The following USP5 variants were observed in gnomAD, a reference collection of about 807,000 sequenced individuals.
The protein encoded by USP5 is ubiquitin specific peptidase 5, also known as ubiquitin carboxyl-terminal hydrolase 5.
In USP5, 24 loss-of-function variants were observed where a neutral mutation model predicts 102.5. That is an observed-to-expected ratio of 0.23 (90% CI 0.17 to 0.33). USP5 has a LOEUF of 0.33. USP5 is among the 10% of genes least tolerant of loss of function. USP5 has a pLI of 1.00. For missense variants in USP5, 753 were observed against 1,122.1 expected (o/e 0.67, Z 4.70); for synonymous variants, 460 against 434.8 (o/e 1.06, Z -0.72).
chr12:6,858,696 G>C lies in USP5; in HGVS notation c.1058+79G>C. On this transcript the variant is annotated intron_variant, in intron 8 of 19. Transcript: ENST00000229268. The surrounding 1 kb of genome is among the most constrained non-coding windows in gnomAD (Gnocchi z 4.2). ...CATACTCCTCCTTCAGCTTCCCTCA[G>C]CACCTCTGTGTTTGATTCTAGTCTT... The C allele has an allele frequency of 7.5e-7, 1 of 1,330,002 alleles. No individual in the cohort carries two copies. The highest frequency in any genetic ancestry group is 1.3e-5 in the South Asian group (1 of 74,380). The allele number at this position is 1,330,002 out of a possible 1,614,324, so 82.4% of individuals were successfully genotyped here.
Position 6,858,923 on chromosome 12 carries a change from A to G in USP5, c.1058+306A>G, listed in dbSNP as rs1944195413. The G allele has an allele frequency of 3.7e-6, 1 of 268,360 alleles. No individual in the cohort carries two copies. Among genetic ancestry groups the G allele is most frequent in the South Asian group, 6.1e-5 (1 of 16,526 alleles). 16.6% of individuals were successfully genotyped at this position (268,360 alleles called of 1,614,324 possible). A position where few individuals can be genotyped will look rare whatever the true frequency, so the allele number is the denominator to read the frequency against. ...ATGCTGTGAGGGGAGCAAGTTAGGG[A>G]GCTGCACCACCAGCACCCCAACACA... On this transcript the variant is annotated intron_variant, in intron 8 of 19. Coordinates refer to ENST00000229268, the MANE Select transcript of USP5 (RefSeq NM_001098536.2). The surrounding 1 kb of genome is among the most constrained non-coding windows in gnomAD (Gnocchi z 4.2).
chr12:6,864,103 G>A lies in USP5; in HGVS notation c.2152G>A (p.Ala718Thr), dbSNP rs202087351. The A allele has an allele frequency of 1.1e-5, 17 of 1,613,730 alleles. No homozygotes were observed. Among genetic ancestry groups the A allele is most frequent in the South Asian group, 3.3e-5 (3 of 91,042 alleles). Residue 718 changes from alanine (A) to threonine (T), a missense_variant, in exon 17 of 20, where the codon GCA becomes ACA. Ala to Thr is a moderately conservative substitution (Grantham distance 58, BLOSUM62 0). Transcript: ENST00000229268. The surrounding 1 kb of genome is among the most constrained non-coding windows in gnomAD (Gnocchi z 4.8). ...CTCTAGTGGGCCGGGCTCCACAAGC[G>A]CAGCAGCCGACCCCCCTCCTGAGGA... ...PGSSGPGSTS[A>T]AADPPPEDCV...
At position 6,855,973 on chromosome 12, in the gene USP5, T is replaced by G. The variant is rs782519599; in HGVS notation, c.305-44T>G. On this transcript the variant is annotated intron_variant, in intron 3 of 19. Coordinates refer to ENST00000229268, the MANE Select transcript of USP5 (RefSeq NM_001098536.2). This position sits in a 1 kb window ranked among gnomAD's most constrained non-coding sequence, Gnocchi z 4.6. ...CTGGCTCGGAGGAGGGACATTGACC[T>G]GTTGTCATTGCTCTACTCTCCCTCT... The G allele has an allele frequency of 1.1e-5, 18 of 1,612,322 alleles. No individual in the cohort carries two copies. Among genetic ancestry groups the G allele is most frequent in the Non-Finnish European group, 1.5e-5 (18 of 1,178,668 alleles).
In USP5 at chr12:6,866,282, A is replaced by G; in HGVS notation, c.*205A>G. The G allele has an allele frequency of 1.8e-6, 1 of 562,656 alleles. No homozygotes were observed. The highest frequency in any genetic ancestry group is 3.2e-6 in the Non-Finnish European group (1 of 314,514). The allele number at this position is 562,656 out of a possible 1,614,324, so 34.9% of individuals were successfully genotyped here. A position where few individuals can be genotyped will look rare whatever the true frequency, so the allele number is the denominator to read the frequency against. On this transcript the variant is annotated 3_prime_UTR_variant, in exon 20 of 20. Coordinates refer to ENST00000229268, the MANE Select transcript of USP5 (RefSeq NM_001098536.2). The surrounding 1 kb of genome is among the most constrained non-coding windows in gnomAD (Gnocchi z 4.7). ...ACTCTGGGGATGGAGCAGGACGGGG[A>G]CGGGAGGGGCCGGCCACCTGTCTGT... is the stretch of plus-strand genomic sequence containing the variant.
Position 6,855,982 on chromosome 12 carries a change from T to TG in USP5, c.305-34dup, listed in dbSNP as rs782187698. ...AGGAGGGACATTGACCTGTTGTCAT[T>TG]GCTCTACTCTCCCTCTTCTTCCCTA... is the stretch of plus-strand genomic sequence containing the variant. On this transcript the variant is annotated intron_variant, in intron 3 of 19. Transcript: ENST00000229268. The surrounding 1 kb of genome is among the most constrained non-coding windows in gnomAD (Gnocchi z 4.6). 2 of 1,613,326 alleles carry TG rather than the reference T, an allele frequency of 1.2e-6. No homozygotes were observed.
At position 6,856,902 on chromosome 12, in the gene USP5, C is replaced by G. The variant is rs1420330178; in HGVS notation, c.769+11C>G. Reference sequence around the variant, plus strand: ...CCCCTGATGGAGCTGGTACAGCCTCCCCTCCTCCAGCCACTCTCATGCTTA... The same window carrying G: ...CCCCTGATGGAGCTGGTACAGCCTCGCCTCCTCCAGCCACTCTCATGCTTA... On this transcript the variant is annotated intron_variant, in intron 6 of 19. Transcript: ENST00000229268. The surrounding 1 kb of genome is among the most constrained non-coding windows in gnomAD (Gnocchi z 5.6). 1.2e-6 allele frequency: 2 copies of G among 1,610,092 alleles called. No homozygotes were observed. Among genetic ancestry groups the G allele is most frequent in the Non-Finnish European group, 1.7e-6 (2 of 1,177,568 alleles).
intron 7 of USP5, 64 bp downstream of exon 7, chr12:6,857,787 CCTGAGG>C: frequency 2.6e-6 from 4 of 1,538,966 alleles, no homozygotes; most frequent in Non-Finnish European, 3.6e-6. Flanking sequence ...TTCCTCTTTG[CCTGAGG>C]CTGAGGTAGG....
In USP5 at chr12:6,858,700, C is replaced by A; in HGVS notation, c.1058+83C>A. On this transcript the variant is annotated intron_variant, in intron 8 of 19. Transcript: ENST00000229268. This position sits in a 1 kb window ranked among gnomAD's most constrained non-coding sequence, Gnocchi z 4.2. ...CTCCTCCTTCAGCTTCCCTCAGCAC[C>A]TCTGTGTTTGATTCTAGTCTTAGAG... 7.6e-7 allele frequency: 1 copy of A among 1,308,470 alleles called. No homozygotes were observed. Among genetic ancestry groups the A allele is most frequent in the East Asian group, 2.5e-5 (1 of 39,828 alleles). 81.1% of individuals were successfully genotyped at this position (1,308,470 alleles called of 1,614,324 possible).
intron 1 of USP5, among the ~76,000 whole-genome samples, chr12:6,853,737 C>G (rs1432962049): frequency 2.6e-5 from 4 of 152,182 alleles, no homozygotes; most frequent in Non-Finnish European, 4.4e-5. Context: ...TGCCCTAGTT[C>G]TTTGCTAACC....
In USP5 at chr12:6,861,811, A is replaced by G. The variant is rs1004105611; in HGVS notation, c.1673+194A>G. 1.3e-5 allele frequency among the ~76,000 whole-genome samples: 2 copies of G among 152,144 alleles called. No homozygotes were observed. The highest frequency in any genetic ancestry group is 2.9e-5 in the Non-Finnish European group (2 of 68,006). ...GACACGGGTACTGACTCTATCTGTC[A>G]CCTTGTCCTGCCCCAACCACTCCCT... On this transcript the variant is annotated intron_variant, in intron 13 of 19. Transcript: ENST00000229268. The surrounding 1 kb of genome is among the most constrained non-coding windows in gnomAD (Gnocchi z 4.9).
chr12:6,856,958 G>A lies in USP5; in HGVS notation c.769+67G>A. On this transcript the variant is annotated intron_variant, in intron 6 of 19. Transcript: ENST00000229268. The surrounding 1 kb of genome is among the most constrained non-coding windows in gnomAD (Gnocchi z 5.6). ...ATTTCATTTGTTAGTAATTTCGTGT[G>A]ACATGTATAATACATGAATGCATTA... The A allele has an allele frequency of 1.3e-6, 2 of 1,556,594 alleles. No individual in the cohort carries two copies. Among genetic ancestry groups the A allele is most frequent in the Non-Finnish European group, 1.7e-6 (2 of 1,148,504 alleles).
In USP5 at chr12:6,858,364, C is replaced by G. The variant is rs925958472; in HGVS notation, c.865-60C>G. 5.2e-6 allele frequency: 8 copies of G among 1,539,606 alleles called. No homozygotes were observed. The highest frequency in any genetic ancestry group is 5.2e-5 in the Admixed American group (3 of 58,180). On this transcript the variant is annotated intron_variant, in intron 7 of 19. Transcript: ENST00000229268. The surrounding 1 kb of genome is among the most constrained non-coding windows in gnomAD (Gnocchi z 4.2). ...TATCATCCTAGACTCAGTGAGAGAT[C>G]GAGGTAAAAACTACAGGGTTGAGTT...
Position 6,855,725 on chromosome 12 carries a change from G to C in USP5, c.238-30G>C. Reference sequence around the variant, plus strand: ...ACTTGTTCCTTCGCTCGTGCTCATTGCTGATCCAGCCCTTCCTGCTTCTTT... The same window carrying C: ...ACTTGTTCCTTCGCTCGTGCTCATTCCTGATCCAGCCCTTCCTGCTTCTTT... On this transcript the variant is annotated intron_variant, in intron 2 of 19. Coordinates refer to ENST00000229268, the MANE Select transcript of USP5 (RefSeq NM_001098536.2). This position sits in a 1 kb window ranked among gnomAD's most constrained non-coding sequence, Gnocchi z 4.6. 1 of 1,613,890 alleles carries C rather than the reference G, an allele frequency of 6.2e-7. No individual in the cohort carries two copies. The highest frequency in any genetic ancestry group is 8.5e-7 in the Non-Finnish European group (1 of 1,179,890).
Position 6,864,905 on chromosome 12 carries a change from T to C in USP5, c.2398+30T>C, listed in dbSNP as rs781956020. 8 of 1,604,634 alleles carry C rather than the reference T, an allele frequency of 5.0e-6. No individual in the cohort carries two copies. The highest frequency in any genetic ancestry group is 6.8e-6 in the Non-Finnish European group (8 of 1,174,716). On this transcript the variant is annotated intron_variant, in intron 18 of 19. Transcript: ENST00000229268. The surrounding 1 kb of genome is among the most constrained non-coding windows in gnomAD (Gnocchi z 4.8). ...GTATCCCCAGGAAGCAGGACAGGCCTGGTGGAATCTGGTCAGTCTACTACA... is the reference window on the plus strand; with the variant it reads ...GTATCCCCAGGAAGCAGGACAGGCCCGGTGGAATCTGGTCAGTCTACTACA...
chr12:6,865,398 A>G, intron 19 of USP5, 150 bp downstream of exon 19: 1 of 694,742 alleles, frequency 1.4e-6, no homozygotes, highest in East Asian at 2.7e-5. Flanking sequence ...GTCTTGCAGC[A>G]GTGATTGGCC....
chr12:6,861,175 C>G lies in USP5; in HGVS notation c.1498+69C>G. 1 of 1,588,234 alleles carries G rather than the reference C, an allele frequency of 6.3e-7. No individual in the cohort carries two copies. Among genetic ancestry groups the G allele is most frequent in the South Asian group, 1.1e-5 (1 of 89,164 alleles). Reference sequence around the variant, plus strand: ...AGGTCTAGGAGGAATGCTTGGGCACCTCATGGGAGCACAGCCCAGGGAATG... The same window carrying G: ...AGGTCTAGGAGGAATGCTTGGGCACGTCATGGGAGCACAGCCCAGGGAATG... On this transcript the variant is annotated intron_variant, in intron 12 of 19. Transcript: ENST00000229268. The surrounding 1 kb of genome is among the most constrained non-coding windows in gnomAD (Gnocchi z 4.9).
rs1944258177 is a variant in USP5, at chr12:6,860,868, C to T, written c.1345-85C>T. On this transcript the variant is annotated intron_variant, in intron 11 of 19. Transcript: ENST00000229268. This position sits in a 1 kb window ranked among gnomAD's most constrained non-coding sequence, Gnocchi z 5.5. ...TGAGTTCCGAGTGGTAGTCTGCCTT[C>T]TCTCCCTGACTCTCCCATGAACCTT... 1.0e-4 allele frequency: 159 copies of T among 1,557,698 alleles called. No individual in the cohort carries two copies. In the South Asian group the frequency reaches 1.8e-3, roughly 18 times the overall value.
chr12:6,864,924 T>G lies in USP5; in HGVS notation c.2398+49T>G. On this transcript the variant is annotated intron_variant, in intron 18 of 19. Transcript: ENST00000229268. The surrounding 1 kb of genome is among the most constrained non-coding windows in gnomAD (Gnocchi z 4.8). ...CAGGCCTGGTGGAATCTGGTCAGTCTACTACACCAGATCCCTCATTCAGGC... is the reference window on the plus strand; with the variant it reads ...CAGGCCTGGTGGAATCTGGTCAGTCGACTACACCAGATCCCTCATTCAGGC... 6.3e-7 allele frequency: 1 copy of G among 1,584,592 alleles called. No homozygotes were observed. The highest frequency in any genetic ancestry group is 8.6e-7 in the Non-Finnish European group (1 of 1,161,914).
At position 6,863,838 on chromosome 12, in the gene USP5, C is replaced by T; in HGVS notation, c.1963C>T (p.Leu655=). 1 of 1,589,178 alleles carries T rather than the reference C, an allele frequency of 6.3e-7. No individual in the cohort carries two copies. The highest frequency in any genetic ancestry group is 8.6e-7 in the Non-Finnish European group (1 of 1,166,096). ...PHFSSPTSPM[L]DESVIIQLVE... ...CACAATTCCCATTACAGCGCCCATGCTGGATGAATCAGTCATCATCCAGCT... is the reference window on the plus strand; with the variant it reads ...CACAATTCCCATTACAGCGCCCATGTTGGATGAATCAGTCATCATCCAGCT... The change falls in exon 16 of 20, where the codon CTG becomes TTG. Residue 655 remains leucine, a synonymous_variant. Coordinates refer to ENST00000229268, the MANE Select transcript of USP5 (RefSeq NM_001098536.2). This position sits in a 1 kb window ranked among gnomAD's most constrained non-coding sequence, Gnocchi z 4.7.
Sources: allele counts gnomAD v4.1 joint callset (sites outside exome capture counted in the v4.1 genomes callset), GRCh38; gene constraint gnomAD v4.1.1; non-coding constraint Gnocchi (gnomAD v3.1); transcripts MANE v1.5; gene names NCBI Gene and HGNC (gene_info 2026-07-23, HGNC 2026-07-21).